CSMD1: variants seen among roughly 807,000 people sequenced by gnomAD.
CSMD1 encodes CUB and Sushi multiple domains 1, also known as CUB and sushi domain-containing protein 1.
CSMD1 carries 213 observed loss-of-function variants against 417.5 expected under a neutral mutation model. The ratio of observed to expected loss-of-function variants is 0.51; its 90% CI spans 0.46 to 0.57. The LOEUF (loss-of-function observed/expected upper bound fraction) is 0.57. Ranked by LOEUF, CSMD1 falls within the 20% of genes least tolerant of loss-of-function variation. The pLI is 0.00. For missense variants in CSMD1, 6,923 were observed against 4,529.7 expected (o/e 1.53, Z -15.17); for synonymous variants, 2,862 against 1,736.8 (o/e 1.65, Z -16.11).
chr8:4,688,870 T>A (rs956844764), intron 1 of CSMD1, among the ~76,000 whole-genome samples: 1 of 152,214 alleles, frequency 6.6e-6, no homozygotes, highest in Non-Finnish European at 1.5e-5. Flanking sequence ...AAGATTGACA[T>A]AAATTCTATA....
chr8:4,194,349 C>T (rs767148509), intron 3 of CSMD1, among the ~76,000 whole-genome samples: 5 of 152,202 alleles, frequency 3.3e-5, no homozygotes, highest in Non-Finnish European at 7.4e-5. Context: ...AAACCACAGA[C>T]CTAATTTGCC....
intron 10 of CSMD1, among the ~76,000 whole-genome samples, chr8:3,523,334 G>A (rs1797593090): frequency 6.6e-6 from 1 of 152,096 alleles, no homozygotes; most frequent in African/African-American, 2.4e-5. Flanking sequence ...TTGTTCTATT[G>A]TGGCAACACA....
chr8:4,546,104 T>A (rs1563274602), intron 2 of CSMD1, among the ~76,000 whole-genome samples: 2 of 152,272 alleles, frequency 1.3e-5, no homozygotes, highest in East Asian at 3.9e-4. Flanking sequence ...ATGGAAAGAT[T>A]TCTACTGAAA....
intron 3 of CSMD1, among the ~76,000 whole-genome samples, chr8:4,410,943 A>G (rs150339366): frequency 1.3e-5 from 2 of 152,290 alleles, no homozygotes; most frequent in East Asian, 1.9e-4. Flanking sequence ...GATTTGTTCT[A>G]GTGGGACTAG....
intron 5 of CSMD1, among the ~76,000 whole-genome samples, chr8:3,765,501 G>A (rs1265967364): frequency 6.6e-6 from 1 of 152,152 alleles, no homozygotes; most frequent in African/African-American, 2.4e-5. Flanking sequence ...GCCCACTGAG[G>A]GCATTGGTGC....
At chr8:4,549,089 A>G (rs73182984) in intron 2 of CSMD1, among the ~76,000 whole-genome samples, 17,297 of 152,176 alleles carry the variant, frequency 0.11, 1,184 homozygotes, top group Non-Finnish European at 0.15. Context: ...TTAAACTTCC[A>G]TAAGTTTGAC....
intron 3 of CSMD1, among the ~76,000 whole-genome samples, chr8:4,147,719 A>C (rs555004690): frequency 6.6e-6 from 1 of 152,130 alleles, no homozygotes; most frequent in Non-Finnish European, 1.5e-5. Context: ...TCAGATGCAG[A>C]CACTGAAGCT....
At chr8:4,376,933 G>C (rs1802785677) in intron 3 of CSMD1, among the ~76,000 whole-genome samples, 1 of 152,126 alleles carries the variant, frequency 6.6e-6, no homozygotes, top group African/African-American at 2.4e-5. Context: ...TTATGGAACG[G>C]GGGTAATGTT....
chr8:3,753,452 T>C (rs1457156163), intron 6 of CSMD1, among the ~76,000 whole-genome samples: 1 of 152,180 alleles, frequency 6.6e-6, no homozygotes, highest in Admixed American at 6.5e-5. Flanking sequence ...CTGCAGGAAA[T>C]CCAGAATCTT....
At chr8:4,088,817 G>C (rs1000444718) in intron 3 of CSMD1, among the ~76,000 whole-genome samples, 1 of 151,990 alleles carries the variant, frequency 6.6e-6, no homozygotes, top group Non-Finnish European at 1.5e-5. Flanking sequence ...TCAGCATGTG[G>C]ACTCATCCCT....
intron 42 of CSMD1, among the ~76,000 whole-genome samples, chr8:3,117,049 TG>T (rs1229396782): frequency 6.6e-6 from 1 of 152,092 alleles, no homozygotes; most frequent in Non-Finnish European, 1.5e-5. Flanking sequence ...GCTAAAGAAT[TG>T]TTTGTAGTTA....
chr8:4,133,550 G>C (rs1056408374), intron 3 of CSMD1, among the ~76,000 whole-genome samples: 3 of 152,090 alleles, frequency 2.0e-5, no homozygotes, highest in Non-Finnish European at 4.4e-5. Flanking sequence ...CATGGTATAA[G>C]GGTTTTGTAG....
chr8:4,908,169 T>G (rs1001384241), intron 1 of CSMD1, among the ~76,000 whole-genome samples: 1 of 152,200 alleles, frequency 6.6e-6, no homozygotes, highest in Non-Finnish European at 1.5e-5. Flanking sequence ...TTTCAAAACT[T>G]TAAATATTTT....
chr8:4,903,415 A>G (rs1805029131), intron 1 of CSMD1, among the ~76,000 whole-genome samples: 1 of 152,158 alleles, frequency 6.6e-6, no homozygotes, highest in African/African-American at 2.4e-5. Context: ...CAAGCAGTTG[A>G]GTGACTTTTT....
chr8:4,677,787 GT>G (rs1295175151), intron 1 of CSMD1, among the ~76,000 whole-genome samples: 6 of 152,118 alleles, frequency 3.9e-5, no homozygotes, highest in African/African-American at 1.4e-4. Context: ...AAAACAGAAG[GT>G]AATGTAAAAA....
chr8:3,971,628 C>T (rs1413241566), intron 5 of CSMD1, among the ~76,000 whole-genome samples: 1 of 152,102 alleles, frequency 6.6e-6, no homozygotes, highest in Non-Finnish European at 1.5e-5. Flanking sequence ...TCTATTTCCT[C>T]AAGGGAGTCT....
At chr8:4,294,655 T>G (rs1797564405) in intron 3 of CSMD1, among the ~76,000 whole-genome samples, 2 of 152,156 alleles carry the variant, frequency 1.3e-5, no homozygotes, top group Admixed American at 6.6e-5. Flanking sequence ...TATTCATGTT[T>G]CTTGGTATTT....
chr8:3,693,615 G>C (rs945015347), intron 7 of CSMD1, among the ~76,000 whole-genome samples: 2 of 151,958 alleles, frequency 1.3e-5, no homozygotes, highest in Non-Finnish European at 2.9e-5. Context: ...CCATGAGAGA[G>C]ACAATAAACA....
chr8:3,890,975 G>C (rs557313456), intron 5 of CSMD1, among the ~76,000 whole-genome samples: 2 of 151,990 alleles, frequency 1.3e-5, no homozygotes, highest in East Asian at 3.9e-4. Context: ...CTGTGAAATG[G>C]ATGTTATGGA....
Sources: allele counts gnomAD v4.1 joint callset (sites outside exome capture counted in the v4.1 genomes callset), GRCh38; gene constraint gnomAD v4.1.1; transcripts MANE v1.5; gene names NCBI Gene and HGNC (gene_info 2026-07-23, HGNC 2026-07-21).